The following ENTREP1 variants were observed in gnomAD, a reference collection of about 807,000 sequenced individuals.
ENTREP1 encodes endosomal transmembrane epsin interactor 1.
At chr9:69,349,729 G>C in the ENTREP1 span, among the ~76,000 whole-genome samples, 1 of 152,018 alleles carries the variant, frequency 6.6e-6, no homozygotes, top group Non-Finnish European at 1.5e-5. Flanking sequence ...AACGCACCTC[G>C]AGCATCATAG....
chr9:69,353,400 G>A, the ENTREP1 span, among the ~76,000 whole-genome samples: 3 of 152,132 alleles, frequency 2.0e-5, no homozygotes, highest in East Asian at 1.9e-4. Flanking sequence ...TTAACATTTT[G>A]CCACATTTGC....
At chr9:69,325,248 C>G in the ENTREP1 span, 6 of 1,079,756 alleles carry the variant, frequency 5.6e-6, no homozygotes, top group Non-Finnish European at 5.6e-6. Flanking sequence ...GGCTCGGCTC[C>G]GCTCCGCGTC....
At chr9:69,385,814 A>G in the ENTREP1 span, 1 of 1,557,802 alleles carries the variant, frequency 6.4e-7, no homozygotes, top group Middle Eastern at 2.0e-4. Flanking sequence ...TTCCTAACAT[A>G]CCTGCCGAAG....
chr9:69,345,024 A>C, the ENTREP1 span, among the ~76,000 whole-genome samples: 3 of 152,324 alleles, frequency 2.0e-5, no homozygotes, highest in Non-Finnish European at 4.4e-5. Flanking sequence ...TTTTATAATA[A>C]TTAAAAATAG....
the ENTREP1 span, among the ~76,000 whole-genome samples, chr9:69,358,872 A>T: frequency 6.6e-6 from 1 of 151,568 alleles, no homozygotes; most frequent in African/African-American, 2.4e-5. Flanking sequence ...AGCATTAATA[A>T]AGCCTTTTTT....
the ENTREP1 span, among the ~76,000 whole-genome samples, chr9:69,388,924 AG>A: frequency 6.6e-6 from 1 of 152,214 alleles, no homozygotes; most frequent in Non-Finnish European, 1.5e-5. Flanking sequence ...ACAGGTCCTA[AG>A]GGAATAAGCA....
At chr9:69,363,965 G>A in the ENTREP1 span, among the ~76,000 whole-genome samples, 7 of 152,136 alleles carry the variant, frequency 4.6e-5, no homozygotes, top group African/African-American at 1.2e-4. Context: ...TTTTGGACAC[G>A]TTTTGGAAAT....
the ENTREP1 span, among the ~76,000 whole-genome samples, chr9:69,374,579 C>T: frequency 2.6e-5 from 4 of 152,076 alleles, no homozygotes; most frequent in African/African-American, 9.7e-5. Context: ...CTGATGAAGC[C>T]AGAGTGAGAG....
the ENTREP1 span, among the ~76,000 whole-genome samples, chr9:69,363,876 A>G: frequency 6.6e-6 from 1 of 152,232 alleles, no homozygotes; most frequent in Non-Finnish European, 1.5e-5. Flanking sequence ...TGGCAGGGCA[A>G]ACAGGAGATG....
chr9:69,329,722 C>T, the ENTREP1 span: 1 of 979,412 alleles, frequency 1.0e-6, no homozygotes, highest in African/African-American at 1.8e-5. Context: ...GGGAGGATCT[C>T]AGTGTCTGTC....
the ENTREP1 span, among the ~76,000 whole-genome samples, chr9:69,331,116 T>A: frequency 6.6e-6 from 1 of 152,194 alleles, no homozygotes; most frequent in Non-Finnish European, 1.5e-5. Context: ...TTTTAAAAAG[T>A]TGCCATTGTA....
the ENTREP1 span, among the ~76,000 whole-genome samples, chr9:69,360,941 T>C: frequency 6.6e-6 from 1 of 152,220 alleles, no homozygotes; most frequent in African/African-American, 2.4e-5. Context: ...TCAAACTTGA[T>C]CAACATTTTT....
chr9:69,391,897 G>A, the ENTREP1 span: 1 of 1,237,716 alleles, frequency 8.1e-7, no homozygotes, highest in East Asian at 2.5e-5. Flanking sequence ...CAAAAAAAAG[G>A]AGCACTCTGG....
the ENTREP1 span, among the ~76,000 whole-genome samples, chr9:69,355,304 A>G: frequency 2.0e-5 from 3 of 152,160 alleles, no homozygotes; most frequent in Non-Finnish European, 4.4e-5. Context: ...TTTTTTGAGC[A>G]CCTGCTTTGT....
At chr9:69,345,765 G>A in the ENTREP1 span, among the ~76,000 whole-genome samples, 1 of 152,056 alleles carries the variant, frequency 6.6e-6, no homozygotes, top group African/African-American at 2.4e-5. Context: ...ACCATACGTG[G>A]CTTAATTTTT....
At chr9:69,387,873 G>T in the ENTREP1 span, 1 of 1,337,892 alleles carries the variant, frequency 7.5e-7, no homozygotes. Flanking sequence ...ACCTCATTAT[G>T]GTTTGCATTC....
chr9:69,325,263 G>A, the ENTREP1 span: 4 of 990,158 alleles, frequency 4.0e-6, no homozygotes, highest in Non-Finnish European at 4.7e-6. Context: ...CGCGTCCTCT[G>A]CCCGCCGCAG....
the ENTREP1 span, among the ~76,000 whole-genome samples, chr9:69,371,049 A>G: frequency 6.6e-6 from 1 of 152,158 alleles, no homozygotes; most frequent in Non-Finnish European, 1.5e-5. Flanking sequence ...ACCCATTTTT[A>G]TGTCCATTTA....
the ENTREP1 span, among the ~76,000 whole-genome samples, chr9:69,340,681 G>C: frequency 2.2e-5 from 1 of 46,278 alleles, no homozygotes; most frequent in Non-Finnish European, 5.0e-5. Context: ...GTGTGTGCAT[G>C]CATGTGTGTG....
Sources: allele counts gnomAD v4.1 joint callset (sites outside exome capture counted in the v4.1 genomes callset), GRCh38; gene constraint gnomAD v4.1.1; transcripts MANE v1.5; gene names NCBI Gene and HGNC (gene_info 2026-07-23, HGNC 2026-07-21).